Variants in PCDH15 observed in about 807,000 individuals in gnomAD.
PCDH15 encodes the protein protocadherin related 15, also known as protocadherin-15.
Under a neutral mutation model 178.5 loss-of-function variants are expected in PCDH15, and 129 were observed. That is an observed-to-expected ratio of 0.72 (90% CI 0.63 to 0.84). The LOEUF (loss-of-function observed/expected upper bound fraction) is 0.84, where lower values mean the gene tolerates loss of function less well. PCDH15 is among the 40% of genes least tolerant of loss of function. The probability of loss-of-function intolerance (pLI) is 0.00; values close to 1 mark genes in which losing one functional copy is unlikely to be tolerated. For missense variants in PCDH15, 2,230 were observed against 2,099.9 expected, an observed-to-expected ratio of 1.06 and a Z score of -1.21; for synonymous variants, 800 against 732.0, an observed-to-expected ratio of 1.09 and a Z score of -1.50.
chr10:55,337,436 C>T (rs1386023557), intron 2 of PCDH15, among the ~76,000 whole-genome samples: 1 of 152,098 alleles, frequency 6.6e-6, no homozygotes, highest in Non-Finnish European at 1.5e-5. Flanking sequence ...GCTTCCAAAG[C>T]CCCATAGATT....
At chr10:54,717,983 T>C (rs183285499) in intron 1 of PCDH15, among the ~76,000 whole-genome samples, 5 of 146,712 alleles carry the variant, frequency 3.4e-5, no homozygotes, top group African/African-American at 5.1e-5. Flanking sequence ...AAATTGGAAA[T>C]CATCATTCTC....
intron 2 of PCDH15, among the ~76,000 whole-genome samples, chr10:55,596,236 T>C (rs1564472525): frequency 6.6e-6 from 1 of 152,120 alleles, no homozygotes; most frequent in African/African-American, 2.4e-5. Context: ...GGCTTTGAGA[T>C]AATTATTTTG....
intron 3 of PCDH15, among the ~76,000 whole-genome samples, chr10:54,395,995 G>C (rs995641149): frequency 2.6e-5 from 4 of 152,116 alleles, no homozygotes; most frequent in African/African-American, 4.8e-5. Context: ...TTGGCATAAG[G>C]TTTGTTGAGC....
chr10:54,746,997 T>A (rs1591416238), intron 1 of PCDH15, among the ~76,000 whole-genome samples: 1 of 152,320 alleles, frequency 6.6e-6, no homozygotes, highest in East Asian at 1.9e-4. Flanking sequence ...TTTTATAAGG[T>A]GTAACACCAC....
chr10:53,899,803 T>C (rs2082205442), intron 26 of PCDH15, among the ~76,000 whole-genome samples: 1 of 152,190 alleles, frequency 6.6e-6, no homozygotes. Context: ...GCTTAACTCA[T>C]GCTCTGATTA....
chr10:55,157,630 A>AAATGATG (rs1187994916), intron 2 of PCDH15, among the ~76,000 whole-genome samples: 5 of 151,882 alleles, frequency 3.3e-5, no homozygotes, highest in Non-Finnish European at 7.4e-5. Flanking sequence ...TAGCCATAAA[A>AAATGATG]AATGATGAGT....
chr10:54,638,601 CCTAT>C (rs942774059), intron 2 of PCDH15, among the ~76,000 whole-genome samples: 53 of 152,140 alleles, frequency 3.5e-4, no homozygotes, highest in African/African-American at 1.3e-3. Flanking sequence ...TGTCAACTAG[CCTAT>C]CTTTTATTAT....
intron 2 of PCDH15, among the ~76,000 whole-genome samples, chr10:55,160,328 C>T (rs1329430136): frequency 1.3e-5 from 2 of 151,684 alleles, no homozygotes; most frequent in Non-Finnish European, 1.5e-5. Flanking sequence ...CTACTGAAAA[C>T]ATACTAGCAA....
At chr10:55,066,696 T>G (rs1841573038) in intron 2 of PCDH15, among the ~76,000 whole-genome samples, 1 of 150,980 alleles carries the variant, frequency 6.6e-6, no homozygotes, top group Non-Finnish European at 1.5e-5. Context: ...TGATATGCAG[T>G]GTTCTCTGTA....
intron 2 of PCDH15, among the ~76,000 whole-genome samples, chr10:54,995,246 G>A (rs1260138869): frequency 2.0e-5 from 3 of 151,918 alleles, no homozygotes. Flanking sequence ...TGTGGTCATG[G>A]GCGCCTGTAG....
intron 2 of PCDH15, among the ~76,000 whole-genome samples, chr10:54,944,420 G>A (rs1838139455): frequency 6.6e-6 from 1 of 151,958 alleles, no homozygotes; most frequent in Admixed American, 6.6e-5. Context: ...TAAATTAAAA[G>A]GAAGGGATGT....
At position 55,311,636 on chromosome 10, in the gene PCDH15, T is replaced by C. The variant is rs530029834; in HGVS notation, c.-156+7963A>G. ...CTTTTGGAAAAATGAGGAGATTGAG[T>C]AGATTTTTGAAGATCAGGTAGTAGG... On this transcript the variant is annotated intron_variant, in intron 1 of 5. Coordinates refer to the PCDH15 transcript ENST00000458638. Among the ~76,000 whole-genome samples, 6 of 152,238 alleles carry C rather than the reference T, an allele frequency of 3.9e-5. No individual in the cohort carries two copies. The South Asian group carries it at 1.2e-3, about 32-fold the overall frequency.
At chr10:54,223,342 C>T (rs540105233) in intron 9 of PCDH15, among the ~76,000 whole-genome samples, 1 of 147,818 alleles carries the variant, frequency 6.8e-6, no homozygotes, top group South Asian at 2.1e-4. Flanking sequence ...TGTTGCCAAC[C>T]CTAAGGTCAT....
At chr10:54,718,702 TTTC>T (rs1285247687) in intron 1 of PCDH15, among the ~76,000 whole-genome samples, 26 of 143,806 alleles carry the variant, frequency 1.8e-4, no homozygotes, top group African/African-American at 6.3e-4. Flanking sequence ...TTTTTTTTTT[TTTC>T]TTTTGAGATG....
chr10:53,823,385 G>C (rs2076443987), intron 32 of PCDH15: 1 of 1,594,682 alleles, frequency 6.3e-7, no homozygotes, highest in Admixed American at 1.7e-5. Context: ...ATAATGAAAT[G>C]TAAGGAAACA....
intron 6 of PCDH15, among the ~76,000 whole-genome samples, chr10:54,332,825 G>A (rs1940129082): frequency 6.6e-6 from 1 of 151,938 alleles, no homozygotes; most frequent in Non-Finnish European, 1.5e-5. Context: ...AGTTATTAGT[G>A]ACTTTATTGA....
At chr10:55,281,523 A>T (rs1035871343) in intron 1 of PCDH15, among the ~76,000 whole-genome samples, 1 of 151,714 alleles carries the variant, frequency 6.6e-6, no homozygotes, top group Non-Finnish European at 1.5e-5. Flanking sequence ...TCATTTTCAT[A>T]AGCAGATTCC....
intron 2 of PCDH15, among the ~76,000 whole-genome samples, chr10:54,656,429 C>G (rs773823857): frequency 7.9e-5 from 12 of 152,142 alleles, no homozygotes; most frequent in Non-Finnish European, 1.5e-5. Context: ...CCTCACAATC[C>G]TGGGCAATGA....
chr10:54,983,467 A>G (rs1839290680), intron 2 of PCDH15, among the ~76,000 whole-genome samples: 1 of 152,164 alleles, frequency 6.6e-6, no homozygotes, highest in South Asian at 2.1e-4. Flanking sequence ...TTTGTACTAC[A>G]TAAGACCAGA....
Sources: gnomAD v4.1 joint callset for allele counts (sites outside exome capture counted in the v4.1 genomes callset) on GRCh38, gnomAD v4.1.1 for gene constraint, MANE v1.5 for transcripts, NCBI Gene and HGNC (gene_info 2026-07-23, HGNC 2026-07-21) for gene names.